Variants in PLEKHG5 observed in about 807,000 individuals in gnomAD.
PLEKHG5 encodes the protein pleckstrin homology domain-containing family G member 5.
In PLEKHG5, 52 loss-of-function variants were observed where a neutral mutation model predicts 103.8. The ratio of observed to expected loss-of-function variants is 0.50; its 90% CI spans 0.40 to 0.63. PLEKHG5 has a LOEUF of 0.63. Among genes scored for constraint, PLEKHG5 ranks in the 30% least tolerant of loss-of-function variants. The pLI, the probability that PLEKHG5 is intolerant of heterozygous loss-of-function variation, is 0.00. For missense variants in PLEKHG5, 1,205 were observed against 1,347.6 expected (o/e 0.89, Z 1.66); for synonymous variants, 592 against 575.5 (o/e 1.03, Z -0.41).
chr1:6,483,626 C>T (rs543303683), intron 1 of PLEKHG5, among the ~76,000 whole-genome samples: 1 of 152,272 alleles, frequency 6.6e-6, no homozygotes, highest in Admixed American at 6.5e-5. Context: ...GATCACATTG[C>T]TGCACTCCAG....
rs765484820 is a variant in PLEKHG5 at position 6,486,081 on chromosome 1, C to T, written c.-88+5556G>A. 25 of 162,306 alleles carry T rather than the reference C, an allele frequency of 1.5e-4. No homozygotes were observed. Among genetic ancestry groups the T allele is most frequent in the Non-Finnish European group, 2.7e-4 (21 of 77,568 alleles). 10.1% of individuals were successfully genotyped at this position (162,306 alleles called of 1,614,324 possible). A position where few individuals can be genotyped will look rare whatever the true frequency, so the allele number is the denominator to read the frequency against. On this transcript the variant is annotated intron_variant, in intron 1 of 20. Coordinates refer to ENST00000377728, the MANE Select transcript of PLEKHG5 (RefSeq NM_020631.6). The surrounding 1 kb of genome is among the most constrained non-coding windows in gnomAD (Gnocchi z 5.3). ...GCTGTGGTCCCCACCTCACCCTCAGCGCCAACACGCACGGTCCCTCCCAGC... is the reference window on the plus strand; with the variant it reads ...GCTGTGGTCCCCACCTCACCCTCAGTGCCAACACGCACGGTCCCTCCCAGC...
chr1:6,497,125 G>A (rs1645237985), upstream of PLEKHG5: 6 of 1,219,508 alleles, frequency 4.9e-6, no homozygotes, highest in Non-Finnish European at 6.9e-6. This position sits in a 1 kb window ranked among gnomAD's most constrained non-coding sequence, Gnocchi z 6.1. Context: ...CCAGCGAGAG[G>A]CGGGGGGAGG....
intron 1 of PLEKHG5, chr1:6,485,898 C>G: frequency 3.0e-6 from 3 of 986,540 alleles, no homozygotes; most frequent in Non-Finnish European, 3.6e-6. Context: ...ACACCAATGC[C>G]GGGCTCAGAG....
chr1:6,512,192 G>A (rs920034140), intron 1 of PLEKHG5, among the ~76,000 whole-genome samples: 2 of 152,142 alleles, frequency 1.3e-5, no homozygotes, highest in African/African-American at 2.4e-5. Flanking sequence ...GGGTGCTGCC[G>A]CAGGGTCTGT....
At chr1:6,478,895 C>T (rs1056691888) in intron 1 of PLEKHG5, among the ~76,000 whole-genome samples, 3 of 152,020 alleles carry the variant, frequency 2.0e-5, no homozygotes, top group African/African-American at 7.2e-5. Context: ...CCGCCTGCCT[C>T]GGCCTCCCAA....
At chr1:6,491,809 A>C, upstream of PLEKHG5, 1 of 359,356 alleles carries the variant, frequency 2.8e-6, no homozygotes, top group Non-Finnish European at 3.9e-6. This position sits in a 1 kb window ranked among gnomAD's most constrained non-coding sequence, Gnocchi z 4.1. Context: ...CCTCCACTCC[A>C]CACTGCAATC....
At chr1:6,475,673 G>C in intron 3 of PLEKHG5, 151 bp from the exon 4 acceptor site, 2 of 772,210 alleles carry the variant, frequency 2.6e-6, no homozygotes, top group Admixed American at 3.9e-5. Context: ...GCATAGGGCT[G>C]TGCGCCCTCT....
At chr1:6,512,108 T>C (rs778617541) in intron 1 of PLEKHG5, among the ~76,000 whole-genome samples, 17 of 152,306 alleles carry the variant, frequency 1.1e-4, no homozygotes, top group South Asian at 8.3e-4. Flanking sequence ...TGGATCACCA[T>C]CACCCCGTTT....
upstream of PLEKHG5, among the ~76,000 whole-genome samples, chr1:6,494,924 G>A (rs1346204735): frequency 1.3e-5 from 2 of 152,210 alleles, no homozygotes. Context: ...AGGGCTGGAG[G>A]TGAGGTCTGG....
chr1:6,468,013 T>C lies in PLEKHG5; in HGVS notation c.2823A>G (p.Leu941=), dbSNP rs1222469562. 1.9e-6 allele frequency: 3 copies of C among 1,555,032 alleles called. No homozygotes were observed. The Admixed American group carries it at 5.8e-5, about 30-fold the overall frequency. The change falls in exon 20 of 21, where the codon CTA becomes CTG. Residue 941 remains leucine, a synonymous_variant. Coordinates refer to ENST00000377728, the MANE Select transcript of PLEKHG5 (RefSeq NM_020631.6). ...GAPSPGSGPG[L]VGCLAGEPAG... ...CAGGTTCCCCGGCCAGGCAGCCGAC[T>C]AGCCCAGGACCGCTGCCAGGGCTAG...
rs560626110 is a variant in PLEKHG5, at chr1:6,474,366, T to C, written c.439+85A>G. 1.1e-5 allele frequency: 15 copies of C among 1,410,504 alleles called. No homozygotes were observed. In the South Asian group the frequency reaches 1.6e-4, roughly 15 times the overall value. The allele number at this position is 1,410,504 out of a possible 1,614,324, so 87.4% of individuals were successfully genotyped here. On this transcript the variant is annotated intron_variant, in intron 6 of 20. Coordinates refer to ENST00000377728, the MANE Select transcript of PLEKHG5 (RefSeq NM_020631.6). The stretch of plus-strand genomic sequence containing the variant: ...TGAGGCTGCTCAGGCCCACGACCAA[T>C]GGGAACCTGAGCCTGGGAAGGGCGC...
chr1:6,505,504 C>G lies in PLEKHG5; in HGVS notation c.-164-8935G>C, dbSNP rs925854235. 1.3e-5 allele frequency among the ~76,000 whole-genome samples: 2 copies of G among 152,164 alleles called. No homozygotes were observed. Among genetic ancestry groups the G allele is most frequent in the Non-Finnish European group, 2.9e-5 (2 of 68,036 alleles). On this transcript the variant is annotated intron_variant, in intron 1 of 21. Transcript: ENST00000377740. This position sits in a 1 kb window ranked among gnomAD's most constrained non-coding sequence, Gnocchi z 4.2. The stretch of plus-strand genomic sequence containing the variant: ...CTCACCCCCAGGAGCAGTCCAACGT[C>G]CCACCCCTCTAAACACAAGCCACGG...
rs748204630 is a variant in PLEKHG5, at chr1:6,519,485, C to T, written c.-205G>A. 5.6e-6 allele frequency: 9 copies of T among 1,613,906 alleles called. No homozygotes were observed. In the Admixed American group the frequency reaches 1.5e-4, roughly 27 times the overall value. On this transcript the variant is annotated 5_prime_UTR_variant, in exon 1 of 22. Coordinates refer to the PLEKHG5 transcript ENST00000377740. ...GGCTGAGCCAGCTTCGAGGTGGAGA[C>T]CCATGTTTTGTCAGGACTGAATTCA...
At chr1:6,493,827 T>C (rs1645184205), upstream of PLEKHG5, among the ~76,000 whole-genome samples, 1 of 152,088 alleles carries the variant, frequency 6.6e-6, no homozygotes, top group Non-Finnish European at 1.5e-5. Context: ...GGCTAATTAT[T>C]TTTTATATTT....
Position 6,469,490 on chromosome 1 carries a change from T to G in PLEKHG5, c.1934-40A>C, listed in dbSNP as rs200711247. On this transcript the variant is annotated intron_variant, in intron 17 of 20. Transcript: ENST00000377728. ...CCCAAGTCAGTGTCAGCAGAGACGA[T>G]GGCCCCCACCCATCACAGCCCCTGA... 1.5e-4 allele frequency: 238 copies of G among 1,613,714 alleles called. 1 individual carries two copies. In the East Asian group the frequency reaches 4.6e-3, roughly 31 times the overall value.
chr1:6,497,437 G>A (rs1557766493), upstream of PLEKHG5: 2 of 724,466 alleles, frequency 2.8e-6, no homozygotes, highest in Non-Finnish European at 3.4e-6. This position sits in a 1 kb window ranked among gnomAD's most constrained non-coding sequence, Gnocchi z 6.1. Flanking sequence ...GAGGCGGGCG[G>A]GGCAGGTGGG....
chr1:6,487,993 G>T lies in PLEKHG5; in HGVS notation c.-88+3644C>A, dbSNP rs1311499205. On this transcript the variant is annotated intron_variant, in intron 1 of 20. Coordinates refer to ENST00000377728, the MANE Select transcript of PLEKHG5 (RefSeq NM_020631.6). This position sits in a 1 kb window ranked among gnomAD's most constrained non-coding sequence, Gnocchi z 4.1. ...GGCCAGGATATCCCTTCCTGTGGCC[G>T]ACAGTCAACAGAGCCTTCCCCACTG... 6.6e-6 allele frequency among the ~76,000 whole-genome samples: 1 copy of T among 152,130 alleles called. No individual in the cohort carries two copies. Among genetic ancestry groups the T allele is most frequent in the Admixed American group, 6.5e-5 (1 of 15,276 alleles).
chr1:6,509,545 C>T lies in PLEKHG5; in HGVS notation c.-165+9900G>A, dbSNP rs543556736. On this transcript the variant is annotated intron_variant, in intron 1 of 21. Transcript: ENST00000377740. ...CATCGACCCCCACGCCAGGAAGCCACGGCCACTCGGGAGACGTAGGCTCTG... is the reference window on the plus strand; with the variant it reads ...CATCGACCCCCACGCCAGGAAGCCATGGCCACTCGGGAGACGTAGGCTCTG... Among the ~76,000 whole-genome samples, 6 of 152,348 alleles carry T rather than the reference C, an allele frequency of 3.9e-5. No individual in the cohort carries two copies. The South Asian group carries it at 8.3e-4, about 21-fold the overall frequency.
chr1:6,473,249 A>G lies in PLEKHG5; in HGVS notation c.795+2T>C. ...TGACCCTGGGCAGATGGGGCCACAT[A>G]CCCGGCCAAAGGCGCTGGTGCTGGG... On this transcript the variant is annotated splice_donor_variant, in intron 8 of 20. Transcript: ENST00000377728. LOFTEE classifies it high-confidence loss of function. 1 of 1,611,526 alleles carries G rather than the reference A, an allele frequency of 6.2e-7. No individual in the cohort carries two copies. The highest frequency in any genetic ancestry group is 8.5e-7 in the Non-Finnish European group (1 of 1,179,274).
Sources: gnomAD v4.1 joint callset for allele counts (sites outside exome capture counted in the v4.1 genomes callset) on GRCh38, gnomAD v4.1.1 for gene constraint, Gnocchi (gnomAD v3.1) non-coding constraint, MANE v1.5 for transcripts, NCBI Gene and HGNC (gene_info 2026-07-23, HGNC 2026-07-21) for gene names.